The following PRRG1 variants were observed in gnomAD, a reference collection of about 807,000 sequenced individuals.
PRRG1 encodes transmembrane gamma-carboxyglutamic acid protein 1.
Under a neutral mutation model 11.8 loss-of-function variants are expected in PRRG1, and 5 were observed. The ratio of observed to expected loss-of-function variants is 0.42; its 90% CI spans 0.22 to 0.89. The LOEUF is 0.89. Ranked by LOEUF, PRRG1 falls within the 40% of genes least tolerant of loss-of-function variation. The pLI is 0.28. For missense variants in PRRG1, 155 were observed against 166.1 expected, an observed-to-expected ratio of 0.93 and a Z score of 0.37; for synonymous variants, 66 against 60.4, an observed-to-expected ratio of 1.09 and a Z score of -0.43.
intron 2 of PRRG1, among the ~76,000 whole-genome samples, chrX:37,410,586 G>C (rs150378999): frequency 1.2e-3 from 136 of 112,235 alleles, no homozygotes; most frequent in African/African-American, 4.0e-3. Context: ...TCAACCTTTA[G>C]GGTAACAGCT....
At chrX:37,445,220 A>T (rs1556394873) in intron 3 of PRRG1, among the ~76,000 whole-genome samples, 1 of 112,325 alleles carries the variant, frequency 8.9e-6, no homozygotes, top group Non-Finnish European at 1.9e-5. Context: ...GTTTTAAAAA[A>T]TTTCAATGCC....
intron 1 of PRRG1, among the ~76,000 whole-genome samples, chrX:37,374,063 T>A (rs1445511253): frequency 8.9e-6 from 1 of 112,306 alleles, no homozygotes; most frequent in East Asian, 2.8e-4. Flanking sequence ...GTTAATGTAG[T>A]GTGTCATATT....
At chrX:37,440,939 A>G (rs946449022) in intron 3 of PRRG1, 5 of 583,334 alleles carry the variant, frequency 8.6e-6, no homozygotes, top group Non-Finnish European at 1.3e-5. Context: ...TAATTTAAAA[A>G]ACAAAATTAT....
chrX:37,395,683 T>C (rs1357992686), intron 1 of PRRG1, among the ~76,000 whole-genome samples: 4 of 108,693 alleles, frequency 3.7e-5, no homozygotes, highest in Admixed American at 2.0e-4. Context: ...AGAAAGACTA[T>C]AGTAAAAAAA....
intron 2 of PRRG1, among the ~76,000 whole-genome samples, chrX:37,420,150 T>A (rs1932613374): frequency 8.9e-6 from 1 of 111,896 alleles, no homozygotes; most frequent in South Asian, 3.8e-4. Flanking sequence ...GAGATTGGTG[T>A]TATTTTTTCA....
At chrX:37,401,591 C>G (rs1373595151) in intron 1 of PRRG1, among the ~76,000 whole-genome samples, 1 of 110,482 alleles carries the variant, frequency 9.1e-6, no homozygotes, top group Admixed American at 9.7e-5. Flanking sequence ...GGGATGCCCT[C>G]TCTCACCACT....
chrX:37,357,304 TA>T (rs1163513637), intron 1 of PRRG1, among the ~76,000 whole-genome samples: 7 of 112,125 alleles, frequency 6.2e-5, no homozygotes, highest in African/African-American at 2.3e-4. Context: ...ATTCACCTAC[TA>T]AAAAATATCT....
chrX:37,375,742 A>G (rs1930918021), intron 1 of PRRG1, among the ~76,000 whole-genome samples: 1 of 111,128 alleles, frequency 9.0e-6, no homozygotes. Context: ...GCTTCATAAA[A>G]TGGCTTTTTT....
At chrX:37,450,853 T>G (rs1556396362) in intron 3 of PRRG1, among the ~76,000 whole-genome samples, 1 of 112,020 alleles carries the variant, frequency 8.9e-6, no homozygotes, top group Non-Finnish European at 1.9e-5. Context: ...AGTCTGTTAT[T>G]TTTTAGGAGT....
chrX:37,419,919 C>T (rs1368362047), intron 2 of PRRG1, among the ~76,000 whole-genome samples: 1 of 111,938 alleles, frequency 8.9e-6, no homozygotes, highest in Non-Finnish European at 1.9e-5. Context: ...GACCAAACTC[C>T]CAGGCATTCC....
intron 2 of PRRG1, among the ~76,000 whole-genome samples, chrX:37,420,776 C>T (rs953527582): frequency 1.8e-5 from 2 of 110,216 alleles, no homozygotes; most frequent in Non-Finnish European, 3.8e-5. Flanking sequence ...GTGGAAGGGT[C>T]GCTTTAGCCC....
chrX:37,402,730 C>T (rs1446002489), intron 1 of PRRG1, among the ~76,000 whole-genome samples: 1 of 111,414 alleles, frequency 9.0e-6, no homozygotes, highest in Non-Finnish European at 1.9e-5. Flanking sequence ...TCACAACCTA[C>T]TCATCTGACA....
intron 1 of PRRG1, among the ~76,000 whole-genome samples, chrX:37,388,400 G>C (rs782589205): frequency 2.1e-4 from 24 of 113,011 alleles, no homozygotes; most frequent in Non-Finnish European, 4.1e-4. Context: ...CCTGGAGCAG[G>C]CTTCTGTCTG....
At position 37,365,320 on chromosome X, in the gene PRRG1, C is replaced by T. The variant is rs116539692; in HGVS notation, c.-42+15925C>T. On this transcript the variant is annotated intron_variant, in intron 1 of 3. Transcript: ENST00000378628. ...TGCATGACTACTTTCTCCAGATGTT[C>T]CAGTAGATAACCTCAAGGAGCATGG... Among the ~76,000 whole-genome samples, 698 of 111,205 alleles carry T rather than the reference C, an allele frequency of 6.3e-3. 11 individuals carry two copies. The highest frequency in any genetic ancestry group is 0.022 in the African/African-American group (667 of 30,540).
At chrX:37,350,381 A>G (rs782722051) in intron 1 of PRRG1, among the ~76,000 whole-genome samples, 180 of 111,926 alleles carry the variant, frequency 1.6e-3, no homozygotes, top group Non-Finnish European at 3.1e-3. Context: ...GTCATACTAT[A>G]AAGCCAGACT....
intron 2 of PRRG1, among the ~76,000 whole-genome samples, chrX:37,411,180 A>G (rs1932341405): frequency 8.9e-6 from 1 of 112,076 alleles, no homozygotes; most frequent in Admixed American, 9.5e-5. Context: ...TAAACATAGC[A>G]TTTACATTGT....
intron 1 of PRRG1, among the ~76,000 whole-genome samples, chrX:37,363,383 T>G (rs1383346219): frequency 8.9e-6 from 1 of 112,348 alleles, no homozygotes; most frequent in Non-Finnish European, 1.9e-5. Context: ...ATTTCATGCA[T>G]CTAGCATTAT....
At chrX:37,367,924 CT>C (rs1238959340) in intron 1 of PRRG1, among the ~76,000 whole-genome samples, 5 of 112,621 alleles carry the variant, frequency 4.4e-5, no homozygotes, top group Non-Finnish European at 9.4e-5. Flanking sequence ...GCTCCTTTTG[CT>C]GTAATACATT....
At chrX:37,393,866 G>A (rs1556377394) in intron 1 of PRRG1, among the ~76,000 whole-genome samples, 1 of 111,552 alleles carries the variant, frequency 9.0e-6, no homozygotes, top group East Asian at 2.8e-4. Flanking sequence ...AAAGAACACT[G>A]GGGTTGATGT....
Sources: gnomAD v4.1 joint callset for allele counts (sites outside exome capture counted in the v4.1 genomes callset) on GRCh38, gnomAD v4.1.1 for gene constraint, MANE v1.5 for transcripts, NCBI Gene and HGNC (gene_info 2026-07-23, HGNC 2026-07-21) for gene names.